The following NRL variants were observed in gnomAD, a reference collection of about 807,000 sequenced individuals.
NRL encodes the protein neural retina leucine zipper, also known as neural retina-specific leucine zipper protein.
In NRL, 16 loss-of-function variants were observed where a neutral mutation model predicts 12.5. The ratio of observed to expected loss-of-function variants is 1.28; its 90% CI spans 0.87 to 1.95. The LOEUF (loss-of-function observed/expected upper bound fraction) is 1.95. Ranked by LOEUF, NRL falls within the 30% of genes most tolerant of loss-of-function variation. NRL has a pLI of 0.00. For synonymous variants in NRL, 142 were observed against 150.9 expected, an observed-to-expected ratio of 0.94 and a Z score of 0.43; for missense variants, 314 against 325.8, an observed-to-expected ratio of 0.96 and a Z score of 0.28.
intron 1 of NRL, among the ~76,000 whole-genome samples, chr14:24,106,286 G>A (rs1481259133): frequency 1.3e-5 from 2 of 152,076 alleles, no homozygotes; most frequent in African/African-American, 2.4e-5. Flanking sequence ...CAAATAAAAT[G>A]GAATTATTGG....
In NRL at chr14:24,098,993, C is replaced by T. The variant is rs563053681; in HGVS notation, c.-28+15729G>A. ...TGCCAATCCCTGATCCCTCTGGCCC[C>T]GACACCCCAGTTCCTGATGCTGCTG... On this transcript the variant is annotated intron_variant, in intron 1 of 2. Coordinates refer to ENST00000561028, the MANE Select transcript of NRL (RefSeq NM_001354768.3). 38 of 1,400,706 alleles carry T rather than the reference C, an allele frequency of 2.7e-5. No homozygotes were observed. In the East Asian group the frequency reaches 2.8e-4, roughly 10 times the overall value. The allele number at this position is 1,400,706 out of a possible 1,614,324, so 86.8% of individuals were successfully genotyped here. A position where few individuals can be genotyped will look rare whatever the true frequency, so the allele number is the denominator to read the frequency against.
chr14:24,099,478 C>T (rs2037061434), intron 1 of NRL: 2 of 1,340,132 alleles, frequency 1.5e-6, no homozygotes, highest in Non-Finnish European at 2.1e-6. Context: ...CCCTATTAGA[C>T]CCTAGCTGCC....
chr14:24,103,509 G>C, intron 1 of NRL: 16 of 1,543,578 alleles, frequency 1.0e-5, no homozygotes, highest in Non-Finnish European at 1.4e-5. Flanking sequence ...TTCCCCCCCA[G>C]GGAAGATCAT....
rs371591685 is a variant in NRL, at chr14:24,102,722, G to A, written c.-28+12000C>T. 11 of 1,601,384 alleles carry A rather than the reference G, an allele frequency of 6.9e-6. No individual in the cohort carries two copies. In the African/African-American group the frequency reaches 1.2e-4, roughly 18 times the overall value. ...TGTGTTGGGGGTCGACATGACCTTGGAAATAATAGTGTTTGTATTTCCTCT... is the reference window on the plus strand; with the variant it reads ...TGTGTTGGGGGTCGACATGACCTTGAAAATAATAGTGTTTGTATTTCCTCT... On this transcript the variant is annotated intron_variant, in intron 1 of 2. Transcript: ENST00000561028.
At chr14:24,102,608 C>T in intron 1 of NRL, 1 of 670,330 alleles carries the variant, frequency 1.5e-6, no homozygotes, top group Non-Finnish European at 2.5e-6. Context: ...TGGCTCCCCT[C>T]TCTCTGCTCC....
At chr14:24,103,081 C>T (rs1461351441) in intron 1 of NRL, 7 of 1,262,992 alleles carry the variant, frequency 5.5e-6, no homozygotes, top group Non-Finnish European at 6.9e-6. Flanking sequence ...AGAGAGAGTA[C>T]CAGTCAAGCT....
intron 1 of NRL, among the ~76,000 whole-genome samples, chr14:24,101,850 G>C (rs1028415561): frequency 6.6e-6 from 1 of 152,070 alleles, no homozygotes; most frequent in Non-Finnish European, 1.5e-5. Flanking sequence ...AGGAGGCAGA[G>C]GTTGCAGTGA....
At chr14:24,099,169 AG>A in intron 1 of NRL, 1 of 1,610,266 alleles carries the variant, frequency 6.2e-7, no homozygotes, top group South Asian at 1.1e-5. Context: ...CTGGGCAAGA[AG>A]TGCTTTGCCC....
At position 24,099,873 on chromosome 14, in the gene NRL, G is replaced by A. The variant is rs1352892464; in HGVS notation, c.-28+14849C>T. 3 of 1,582,378 alleles carry A rather than the reference G, an allele frequency of 1.9e-6. No homozygotes were observed. In the African/African-American group the frequency reaches 4.0e-5, roughly 21 times the overall value. ...TGGCAGCCCAGCCACCCGAGAGACA[G>A]CCTTTCCTCATCAGATCTTGGGTCC... is the stretch of plus-strand genomic sequence containing the variant. On this transcript the variant is annotated intron_variant, in intron 1 of 2. Transcript: ENST00000561028.
intron 1 of NRL, among the ~76,000 whole-genome samples, chr14:24,102,253 C>T: frequency 6.6e-6 from 1 of 152,116 alleles, no homozygotes; most frequent in East Asian, 1.9e-4. Flanking sequence ...AAATAAATTC[C>T]TATTTGCATT....
intron 1 of NRL, chr14:24,103,496 T>C: frequency 6.5e-7 from 1 of 1,533,350 alleles, no homozygotes; most frequent in Non-Finnish European, 8.8e-7. Flanking sequence ...TTACCCATCT[T>C]GCTTCCCCCC....
chr14:24,094,997 G>A lies in NRL; in HGVS notation c.-27-12122C>T, dbSNP rs1017600254. 6.6e-5 allele frequency: 36 copies of A among 545,062 alleles called. No individual in the cohort carries two copies. Among genetic ancestry groups the A allele is most frequent in the Non-Finnish European group, 1.1e-4 (36 of 320,744 alleles). 33.8% of individuals were successfully genotyped at this position (545,062 alleles called of 1,614,324 possible). On this transcript the variant is annotated intron_variant, in intron 1 of 2. Transcript: ENST00000561028. The surrounding 1 kb of genome is among the most constrained non-coding windows in gnomAD (Gnocchi z 4.1). ...ACCTGGGCCCAGGGGAGGGAGGCAA[G>A]CAAGGTGGGAGGAGGGCGCCAAGTT...
At chr14:24,095,175 T>G in intron 1 of NRL, 1 of 456,114 alleles carries the variant, frequency 2.2e-6, no homozygotes, top group Non-Finnish European at 4.4e-6. Context: ...GACCCACATC[T>G]GTCGCACAGC....
chr14:24,081,507 T>G lies in NRL; in HGVS notation c.443A>C (p.Gln148Pro). The G allele has an allele frequency of 6.2e-7, 1 of 1,602,058 alleles. No individual in the cohort carries two copies. The highest frequency in any genetic ancestry group is 1.1e-5 in the South Asian group (1 of 89,138). ...VSMSVRELNRQLRGCGRDEAL... is the reference protein window; with the variant it reads ...VSMSVRELNRPLRGCGRDEAL... ...CTCGTCGCGCCCGCAGCCCCGCAGC[T>G]GCCGGTTTAGCTCCCGCACAGACAT... Residue 148 changes from glutamine (Q) to proline (P), a missense_variant, in exon 3 of 3, where the codon CAG becomes CCG. Gln to Pro is a moderately conservative substitution (Grantham distance 76, BLOSUM62 -1). Transcript: ENST00000561028. The surrounding 1 kb of genome is among the most constrained non-coding windows in gnomAD (Gnocchi z 4.4).
intron 1 of NRL, chr14:24,095,256 T>A (rs780531508): frequency 1.3e-5 from 6 of 455,004 alleles, no homozygotes; most frequent in Non-Finnish European, 2.6e-5. Flanking sequence ...TGCAAGAGGG[T>A]GTGGGGGCTT....
In NRL at chr14:24,112,375, A is replaced by G. The variant is rs2037434188; in HGVS notation, c.-28+2347T>C. 3.3e-5 allele frequency among the ~76,000 whole-genome samples: 5 copies of G among 151,438 alleles called. 1 individual carries two copies. The South Asian group carries it at 1.0e-3, about 32-fold the overall frequency. The stretch of plus-strand genomic sequence containing the variant: ...ATAAAATGAGTTAGGGAGGATGACA[A>G]ATGGGATCTAATTAAACTAAAGAGC... On this transcript the variant is annotated intron_variant, in intron 1 of 2. Coordinates refer to ENST00000561028, the MANE Select transcript of NRL (RefSeq NM_001354768.3).
Position 24,085,369 on chromosome 14 carries a change from G to T in NRL, c.-27-2494C>A, listed in dbSNP as rs1353632428. On this transcript the variant is annotated intron_variant, in intron 1 of 2. Coordinates refer to ENST00000561028, the MANE Select transcript of NRL (RefSeq NM_001354768.3). The surrounding 1 kb of genome is among the most constrained non-coding windows in gnomAD (Gnocchi z 4.1). ...TTGTAACTGGCCTCATATGCCCTCT[G>T]CTTTCTCTCACCTTTTCCCTGTGTG... Among the ~76,000 whole-genome samples, 1 of 152,124 alleles carries T rather than the reference G, an allele frequency of 6.6e-6. No individual in the cohort carries two copies. The highest frequency in any genetic ancestry group is 1.5e-5 in the Non-Finnish European group (1 of 68,014).
At chr14:24,097,167 T>C in intron 1 of NRL, 1 of 1,606,786 alleles carries the variant, frequency 6.2e-7, no homozygotes, top group South Asian at 1.1e-5. Context: ...ACCTGCAGGA[T>C]AGGTGCACTG....
rs1401995727 is a variant in NRL at position 24,081,320 on chromosome 14, C to A, written c.630G>T (p.Arg210=). 6.8e-7 allele frequency: 1 copy of A among 1,481,250 alleles called. No homozygotes were observed. Among genetic ancestry groups the A allele is most frequent in the Admixed American group, 2.4e-5 (1 of 42,442 alleles). 91.8% of individuals were successfully genotyped at this position (1,481,250 alleles called of 1,614,324 possible). ...ALRAEVARLA[R]ERDLYKARCD... is the part of the protein sequence containing the mutation. ...AGCGAGCCTTGTAGAGATCGCGCTC[C>A]CGGGCCAGGCGGGCCACCTCGGCCC... is the stretch of plus-strand genomic sequence containing the variant. The change falls in exon 3 of 3, where the codon CGG becomes CGT. Residue 210 remains arginine, a synonymous_variant. Transcript: ENST00000561028. This position sits in a 1 kb window ranked among gnomAD's most constrained non-coding sequence, Gnocchi z 4.4.
Sources: gnomAD v4.1 joint callset for allele counts (sites outside exome capture counted in the v4.1 genomes callset) on GRCh38, gnomAD v4.1.1 for gene constraint, Gnocchi (gnomAD v3.1) non-coding constraint, MANE v1.5 for transcripts, NCBI Gene and HGNC (gene_info 2026-07-23, HGNC 2026-07-21) for gene names.